PRRC2A: variants seen among roughly 807,000 people sequenced by gnomAD.
PRRC2A encodes the protein protein PRRC2A.
A neutral mutation model predicts 224.6 loss-of-function variants in PRRC2A; 59 were observed. The observed-to-expected ratio is 0.26, with a 90% CI of 0.21 to 0.33. The LOEUF (loss-of-function observed/expected upper bound fraction) is 0.33, where lower values mean the gene tolerates loss of function less well. PRRC2A is among the 10% of genes least tolerant of loss of function. The pLI is 1.00. For missense variants in PRRC2A, 3,095 were observed against 2,880.7 expected (o/e 1.07, Z -1.70); for synonymous variants, 1,194 against 1,109.5 (o/e 1.08, Z -1.51).
rs767678083 is a variant in PRRC2A at position 31,631,977 on chromosome 6, C to T, written c.3304C>T (p.Arg1102Trp). 6.2e-6 allele frequency: 10 copies of T among 1,612,532 alleles called. 1 individual carries two copies. The highest frequency in any genetic ancestry group is 3.3e-5 in the South Asian group (3 of 91,048). Residue 1102 changes from arginine (R) to tryptophan (W), a missense_variant, in exon 16 of 31, where the codon CGG becomes TGG. This residue lies in a region of PRRC2A where 2,001 missense variants were observed against 1,764.9 expected (regional missense o/e 1.13). Coordinates refer to ENST00000376033, the MANE Select transcript of PRRC2A (RefSeq NM_004638.4). This position sits in a 1 kb window ranked among gnomAD's most constrained non-coding sequence, Gnocchi z 4.5. ...SEYEEIPKRR[R>W]QRGSETGSET... ...GTATGAGGAAATCCCCAAGCGGCGCCGGCAGCGGGGCTCAGAAACAGGCAG... is the reference window on the plus strand; with the variant it reads ...GTATGAGGAAATCCCCAAGCGGCGCTGGCAGCGGGGCTCAGAAACAGGCAG...
In PRRC2A at chr6:31,632,604, A is replaced by C; in HGVS notation, c.3931A>C (p.Asn1311His). The change falls in exon 16 of 31, where the codon AAC (asparagine) becomes CAC (histidine). Residue 1311 changes from asparagine (N) to histidine (H), a missense_variant. Around this residue, in one of 8 missense-constraint regions of PRRC2A, gnomAD observed 2,001 missense variants for 1,764.9 expected, o/e 1.13. Coordinates refer to ENST00000376033, the MANE Select transcript of PRRC2A (RefSeq NM_004638.4). ...AGCTGCCAAGTCTCCTGATCTGTCA[A>C]ACCAGAACTCAGACCAAGCCAATGA... Reference protein sequence around the residue: ...RAAAKSPDLSNQNSDQANEEW... With the variant: ...RAAAKSPDLSHQNSDQANEEW... 6.2e-7 allele frequency: 1 copy of C among 1,613,048 alleles called. No homozygotes were observed.
At position 31,635,285 on chromosome 6, in the gene PRRC2A, T is replaced by C. The variant is rs1777195873; in HGVS notation, c.5301+13T>C. 3 of 1,613,832 alleles carry C rather than the reference T, an allele frequency of 1.9e-6. No homozygotes were observed. In the African/African-American group the frequency reaches 4.0e-5, roughly 22 times the overall value. On this transcript the variant is annotated intron_variant, in intron 22 of 30. Transcript: ENST00000376033. ...CACTAGTGACAAGGTCTGTGTGGGC[T>C]GGATCTGGGTATCCTGAGTTGGGTG...
At chr6:31,634,700 T>C (rs1299890838) in intron 20 of PRRC2A, 53 bp from the exon 21 acceptor site, 15 of 1,570,134 alleles carry the variant, frequency 9.6e-6, no homozygotes, top group Non-Finnish European at 8.8e-6. Context: ...ATCAGTCAGG[T>C]ATTGGGGTGC....
Position 31,634,962 on chromosome 6 carries a change from C to G in PRRC2A, c.5145C>G (p.His1715Gln), listed in dbSNP as rs766659863. ...CTAGGAGACCACCACCTGCCCCCCA[C>G]GATGGGGACAGAAAGGTAAAAGACC... ...EPPRRPPPAP[H>Q]DGDRKELPRE... Residue 1715 changes from histidine to glutamine, a missense_variant, in exon 21 of 31, where the codon CAC becomes CAG. Around this residue, in one of 8 missense-constraint regions of PRRC2A, gnomAD observed 662 missense variants for 609.5 expected, o/e 1.09. Transcript: ENST00000376033. 6 of 1,612,576 alleles carry G rather than the reference C, an allele frequency of 3.7e-6. No individual in the cohort carries two copies. The South Asian group carries it at 6.6e-5, about 18-fold the overall frequency.
chr6:31,637,296 G>A lies in PRRC2A; in HGVS notation c.6305G>A (p.Arg2102His), dbSNP rs114719975. The change falls in exon 30 of 31, where the codon CGC (arginine) becomes CAC (histidine). Residue 2102 changes from arginine (R) to histidine (H), a missense_variant. Transcript: ENST00000376033. ...ATPSTYSGVFRTQRVDLYQQA... is the reference protein window; with the variant it reads ...ATPSTYSGVFHTQRVDLYQQA... ...CCTTCCACCTACAGTGGAGTCTTCC[G>A]CACCCAGCGCGTCGACCTTTACCAG... The A allele has an allele frequency of 1.5e-4, 234 of 1,612,366 alleles. No homozygotes were observed. In the African/African-American group the frequency reaches 2.7e-3, roughly 19 times the overall value.
In PRRC2A at chr6:31,631,272, C is replaced by T. The variant is rs1561819272; in HGVS notation, c.2599C>T (p.Pro867Ser). 1.2e-5 allele frequency: 20 copies of T among 1,612,276 alleles called. No homozygotes were observed. Among genetic ancestry groups the T allele is most frequent in the Non-Finnish European group, 1.6e-5 (19 of 1,179,752 alleles). The change falls in exon 16 of 31, where the codon CCC becomes TCC. Residue 867 changes from proline (P) to serine (S), a missense_variant. Pro to Ser is a moderately conservative substitution (Grantham distance 74). Around this residue, in one of 8 missense-constraint regions of PRRC2A, gnomAD observed 2,001 missense variants for 1,764.9 expected, o/e 1.13. Coordinates refer to ENST00000376033, the MANE Select transcript of PRRC2A (RefSeq NM_004638.4). The surrounding 1 kb of genome is among the most constrained non-coding windows in gnomAD (Gnocchi z 4.5). Reference protein sequence around the residue: ...EEPGPRPLPWPPGSDEVAKIQ... With the variant: ...EEPGPRPLPWSPGSDEVAKIQ... ...ACCAGGGCCCCGTCCACTCCCCTGG[C>T]CCCCAGGCAGTGATGAAGTGGCCAA...
intron 16 of PRRC2A, 99 bp downstream of exon 16, chr6:31,633,091 T>G: frequency 1.5e-6 from 2 of 1,363,896 alleles, no homozygotes. Flanking sequence ...GATTGTGGCC[T>G]GAGGGGCCAT....
At position 31,623,421 on chromosome 6, in the gene PRRC2A, C is replaced by T. The variant is rs147474235; in HGVS notation, c.113-311C>T. ...TAGCTGGGATTACAGGCATGCGCCA[C>T]CACACCCGGCTAATTTTGTGTTTTT... On this transcript the variant is annotated intron_variant, in intron 2 of 30. Transcript: ENST00000376033. 6.0e-3 allele frequency among the ~76,000 whole-genome samples: 907 copies of T among 152,076 alleles called. 6 individuals carry two copies. The highest frequency in any genetic ancestry group is 8.5e-3 in the Non-Finnish European group (579 of 67,974).
intron 2 of PRRC2A, 69 bp from the exon 3 acceptor site, chr6:31,623,663 C>T (rs1775568753): frequency 1.3e-6 from 2 of 1,519,860 alleles, no homozygotes; most frequent in Admixed American, 1.8e-5. Context: ...ATAAATGTGT[C>T]CCAGGATAGG....
At position 31,632,383 on chromosome 6, in the gene PRRC2A, G is replaced by C; in HGVS notation, c.3710G>C (p.Gly1237Ala). 6.2e-7 allele frequency: 1 copy of C among 1,612,148 alleles called. No individual in the cohort carries two copies. The highest frequency in any genetic ancestry group is 8.5e-7 in the Non-Finnish European group (1 of 1,179,138). The change falls in exon 16 of 31, where the codon GGG becomes GCG. Residue 1237 changes from glycine (G) to alanine (A), a missense_variant. By Grantham distance (60) the Gly-to-Ala change is moderately conservative. Coordinates refer to ENST00000376033, the MANE Select transcript of PRRC2A (RefSeq NM_004638.4). ...NGGSNVGMED[G>A]ERPRRRRHGR... ...GGTAGCAATGTGGGCATGGAAGATG[G>C]GGAGCGACCCCGAAGGAGGCGACAT...
rs768180523 is a variant in PRRC2A, at chr6:31,636,795, ACCACCTCCTGCC to A, written c.6006_6017del (p.Ala2003_Pro2006del). The stretch of plus-strand genomic sequence containing the variant: ...TGAACTTTGGCTCCCTGCCGCCAGC[ACCACCTCCTGCC>A]CCACCTCCCCTTTCTCTGTTACCTG... On this transcript the variant is annotated inframe_deletion, in exon 28 of 31. Transcript: ENST00000376033. This position sits in a 1 kb window ranked among gnomAD's most constrained non-coding sequence, Gnocchi z 4.3. 2.5e-6 allele frequency: 4 copies of A among 1,608,648 alleles called. No individual in the cohort carries two copies. In the African/African-American group the frequency reaches 4.0e-5, roughly 16 times the overall value.
Position 31,632,598 on chromosome 6 carries a change from C to A in PRRC2A, c.3925C>A (p.Leu1309Met). 6.2e-7 allele frequency: 1 copy of A among 1,613,066 alleles called. No individual in the cohort carries two copies. Among genetic ancestry groups the A allele is most frequent in the East Asian group, 2.2e-5 (1 of 44,874 alleles). The stretch of plus-strand genomic sequence containing the variant: ...CCGGGCAGCTGCCAAGTCTCCTGAT[C>A]TGTCAAACCAGAACTCAGACCAAGC... Reference protein sequence around the residue: ...PRRAAAKSPDLSNQNSDQANE... With the variant: ...PRRAAAKSPDMSNQNSDQANE... The change falls in exon 16 of 31, where the codon CTG becomes ATG. Residue 1309 changes from leucine to methionine, a missense_variant. By Grantham distance (15) the Leu-to-Met change is conservative. Transcript: ENST00000376033.
chr6:31,635,442 G>C lies in PRRC2A; in HGVS notation c.5350G>C (p.Glu1784Gln). The C allele has an allele frequency of 6.2e-7, 1 of 1,614,206 alleles. No individual in the cohort carries two copies. The highest frequency in any genetic ancestry group is 8.5e-7 in the Non-Finnish European group (1 of 1,180,034). The change falls in exon 23 of 31, where the codon GAG (glutamate) becomes CAG (glutamine). Residue 1784 changes from glutamate (E) to glutamine (Q), a missense_variant. Physicochemically the swap from Glu to Gln is conservative, Grantham distance 29. Around this residue, in one of 8 missense-constraint regions of PRRC2A, gnomAD observed 662 missense variants for 609.5 expected, o/e 1.09. Coordinates refer to ENST00000376033, the MANE Select transcript of PRRC2A (RefSeq NM_004638.4). ...AGGAGACAGCTTGAAAGCAGAGAAGGAGCTAACAGCATCAGTCACTGAGGT... is the reference window on the plus strand; with the variant it reads ...AGGAGACAGCTTGAAAGCAGAGAAGCAGCTAACAGCATCAGTCACTGAGGT... The part of the protein sequence containing the change: ...VVGDSLKAEK[E>Q]LTASVTEAIP...
Position 31,625,025 on chromosome 6 carries a change from CTT to C in PRRC2A, c.464-145_464-144del. 2.2e-6 allele frequency: 2 copies of C among 890,788 alleles called. No individual in the cohort carries two copies. Among genetic ancestry groups the C allele is most frequent in the Admixed American group, 4.7e-5 (2 of 42,634 alleles). The allele number at this position is 890,788 out of a possible 1,614,324, so 55.2% of individuals were successfully genotyped here. On this transcript the variant is annotated intron_variant, in intron 5 of 30. Coordinates refer to ENST00000376033, the MANE Select transcript of PRRC2A (RefSeq NM_004638.4). The surrounding 1 kb of genome is among the most constrained non-coding windows in gnomAD (Gnocchi z 4.1). ...ATGTTGGCCAGGATGGTCTCGATCT[CTT>C]GACCTCGTGATCCGCCCGCCTCAGC...
At position 31,628,225 on chromosome 6, in the gene PRRC2A, T is replaced by C; in HGVS notation, c.1751T>C (p.Phe584Ser). 1.4e-5 allele frequency: 23 copies of C among 1,610,848 alleles called. No individual in the cohort carries two copies. Among genetic ancestry groups the C allele is most frequent in the Non-Finnish European group, 2.0e-5 (23 of 1,179,484 alleles). ...GSTSSTSSGSFEASPVEPQLP... is the reference protein window; with the variant it reads ...GSTSSTSSGSSEASPVEPQLP... Reference sequence around the variant, plus strand: ...ACCAGTAGCACCAGCAGTGGCAGCTTCGAAGCCAGCCCAGGTATGGAGATG... The same window carrying C: ...ACCAGTAGCACCAGCAGTGGCAGCTCCGAAGCCAGCCCAGGTATGGAGATG... Residue 584 changes from phenylalanine (F) to serine (S), a missense_variant, in exon 12 of 31, where the codon TTC becomes TCC. Around this residue, in one of 8 missense-constraint regions of PRRC2A, gnomAD observed 2,001 missense variants for 1,764.9 expected, o/e 1.13. Transcript: ENST00000376033.
intron 1 of PRRC2A, among the ~76,000 whole-genome samples, 179 bp from the exon 2 acceptor site, chr6:31,622,511 T>C (rs1775405960): frequency 2.0e-5 from 3 of 152,036 alleles, no homozygotes; most frequent in Admixed American, 1.3e-4. Context: ...TTGACAAAGG[T>C]GTCTGGGGGA....
At position 31,624,514 on chromosome 6, in the gene PRRC2A, A is replaced by G; in HGVS notation, c.455A>G (p.His152Arg). ...CAAGCCAGCGTCACCCATGGAGCAC[A>G]TGGAGATGGTGAGTGCAGCACTTAA... ...WAQASVTHGA[H>R]GDGGRASSLL... The change falls in exon 5 of 31, where the codon CAT becomes CGT. Residue 152 changes from histidine (H) to arginine (R), a missense_variant. Transcript: ENST00000376033. 2 of 1,612,140 alleles carry G rather than the reference A, an allele frequency of 1.2e-6. No homozygotes were observed. The highest frequency in any genetic ancestry group is 1.7e-6 in the Non-Finnish European group (2 of 1,178,200).
intron 3 of PRRC2A, 151 bp from the exon 4 acceptor site, chr6:31,624,110 A>C: frequency 9.4e-7 from 1 of 1,062,478 alleles, no homozygotes; most frequent in South Asian, 1.6e-5. Context: ...ATGAAAAAAT[A>C]GACAACAGCC....
At position 31,627,631 on chromosome 6, in the gene PRRC2A, C is replaced by G; in HGVS notation, c.1291-134C>G. ...GAAGACCAGGATAATGAGTTTGTCACCACCCAGAGAGATCAACCCCAAAGC... is the reference window on the plus strand; with the variant it reads ...GAAGACCAGGATAATGAGTTTGTCAGCACCCAGAGAGATCAACCCCAAAGC... On this transcript the variant is annotated intron_variant, in intron 11 of 30. Transcript: ENST00000376033. This position sits in a 1 kb window ranked among gnomAD's most constrained non-coding sequence, Gnocchi z 5.6. The G allele has an allele frequency of 2.6e-6, 3 of 1,161,644 alleles. No homozygotes were observed. Among genetic ancestry groups the G allele is most frequent in the Non-Finnish European group, 2.4e-6 (2 of 840,840 alleles). 72.0% of individuals were successfully genotyped at this position (1,161,644 alleles called of 1,614,324 possible).
Sources: allele counts gnomAD v4.1 joint callset (sites outside exome capture counted in the v4.1 genomes callset), GRCh38; gene constraint gnomAD v4.1.1; regional missense constraint gnomAD v4.1.1; non-coding constraint Gnocchi (gnomAD v3.1); transcripts MANE v1.5; gene names NCBI Gene and HGNC (gene_info 2026-07-23, HGNC 2026-07-21).